Variants in TANC1 observed in about 807,000 individuals in gnomAD.
TANC1 encodes tetratricopeptide repeat, ankyrin repeat and coiled-coil containing 1.
TANC1 carries 77 observed loss-of-function variants against 149.7 expected under a neutral mutation model. The observed-to-expected ratio is 0.51, with a 90% CI of 0.43 to 0.62. The LOEUF is 0.62. Ranked by LOEUF, TANC1 falls within the 20% of genes least tolerant of loss-of-function variation. The pLI, the probability that TANC1 is intolerant of heterozygous loss-of-function variation, is 0.00. For synonymous variants in TANC1, 854 were observed against 925.0 expected (o/e 0.92, Z 1.39); for missense variants, 1,985 against 2,321.8 (o/e 0.85, Z 2.98).
chr2:159,055,993 C>T (rs1008397535), intron 2 of TANC1: 2 of 297,508 alleles, frequency 6.7e-6, no homozygotes, highest in Non-Finnish European at 1.3e-5. Context: ...GCCTCTAGCT[C>T]AGCATAAAAG....
At position 159,186,987 on chromosome 2, in the gene TANC1, T is replaced by C; in HGVS notation, c.2705T>C (p.Leu902Pro). The change falls in exon 16 of 27, where the codon CTG (leucine) becomes CCG (proline). Residue 902 changes from leucine to proline, a missense_variant. This residue lies in a region of TANC1 where 508 missense variants were observed against 714.2 expected (regional missense o/e 0.71). Transcript: ENST00000263635. ...AGCACCGAGGGGCTGTCCGCCGCCC[T>C]GGCCTCTCTCAGGAATCTCTATACT... is the stretch of plus-strand genomic sequence containing the variant. ...GYSTEGLSAA[L>P]ASLRNLYTPN... The C allele has an allele frequency of 6.2e-7, 1 of 1,614,212 alleles. No individual in the cohort carries two copies.
intron 5 of TANC1, among the ~76,000 whole-genome samples, chr2:159,142,200 G>T (rs1574933189): frequency 6.6e-6 from 1 of 152,330 alleles, no homozygotes; most frequent in Admixed American, 6.5e-5. Flanking sequence ...TAATTCAGAG[G>T]TTCTGACAGT....
At chr2:159,160,299 C>G (rs552156115) in intron 7 of TANC1, among the ~76,000 whole-genome samples, 71 of 152,078 alleles carry the variant, frequency 4.7e-4, no homozygotes, top group African/African-American at 1.4e-3. Flanking sequence ...TAAACATTAG[C>G]CAGTCTCTGG....
chr2:159,178,698 G>A lies in TANC1; in HGVS notation c.2045G>A (p.Gly682Asp). 1 of 1,614,128 alleles carries A rather than the reference G, an allele frequency of 6.2e-7. No individual in the cohort carries two copies. ...QDILSNISLN[G>D]KADATLIGKV... Reference sequence around the variant, plus strand: ...ATCCTCAGCAACATCTCCCTGAATGGCAAGGCCGATGCCACACTCATTGGA... The same window carrying A: ...ATCCTCAGCAACATCTCCCTGAATGACAAGGCCGATGCCACACTCATTGGA... Residue 682 changes from glycine to aspartate, a missense_variant, in exon 14 of 27, where the codon GGC (glycine) becomes GAC (aspartate). Coordinates refer to ENST00000263635, the MANE Select transcript of TANC1 (RefSeq NM_033394.3).
chr2:159,208,231 TTAATA>T (rs2058754940), intron 19 of TANC1, among the ~76,000 whole-genome samples: 1 of 152,310 alleles, frequency 6.6e-6, no homozygotes, highest in African/African-American at 2.4e-5. Context: ...ATTAATATTA[TTAATA>T]TAATATGTTA....
Position 159,229,889 on chromosome 2 carries a change from T to C in TANC1, c.4463T>C (p.Ile1488Thr). The change falls in exon 27 of 27, where the codon ATC becomes ACC. Residue 1488 changes from isoleucine to threonine, a missense_variant. Transcript: ENST00000263635. ...TCCTCATCTGTCCCTTCCTCATACA[T>C]CCGAAACCTTCAAGAAGGGTTACAG... ...QPSSSVPSSY[I>T]RNLQEGLQSK... 6.2e-7 allele frequency: 1 copy of C among 1,614,038 alleles called. No homozygotes were observed. The highest frequency in any genetic ancestry group is 8.5e-7 in the Non-Finnish European group (1 of 1,180,022).
chr2:159,015,652 C>G (rs1013664107), intron 2 of TANC1, among the ~76,000 whole-genome samples: 2 of 152,128 alleles, frequency 1.3e-5, no homozygotes, highest in Admixed American at 6.6e-5. Context: ...TTAATAGCAC[C>G]CAGGTAACCT....
At chr2:159,125,585 C>CCCTCCCTCCCTCCCTT (rs1231521085) in intron 4 of TANC1, among the ~76,000 whole-genome samples, 175 of 137,862 alleles carry the variant, frequency 1.3e-3, no homozygotes, top group African/African-American at 4.3e-3. Context: ...CTCCCTCCCT[C>CCCTCCCTCCCTCCCTT]CCTTCCTTCC....
intron 19 of TANC1, among the ~76,000 whole-genome samples, chr2:159,205,090 C>G (rs1559455304): frequency 6.6e-6 from 1 of 152,222 alleles, no homozygotes; most frequent in Non-Finnish European, 1.5e-5. Context: ...ACACCTGTTT[C>G]CAAATTGGGC....
chr2:159,223,726 A>G (rs1310044304), intron 22 of TANC1, among the ~76,000 whole-genome samples: 1 of 152,072 alleles, frequency 6.6e-6, no homozygotes, highest in African/African-American at 2.4e-5. Context: ...TACTCTCCCA[A>G]TTTCCTTCAC....
chr2:159,050,662 C>T (rs1363019953), intron 2 of TANC1, among the ~76,000 whole-genome samples: 1 of 152,160 alleles, frequency 6.6e-6, no homozygotes, highest in Non-Finnish European at 1.5e-5. Context: ...AATTATAGTT[C>T]CCACCTGGTG....
In TANC1 at chr2:159,219,832, T is replaced by G; in HGVS notation, c.3643T>G (p.Leu1215Val). The change falls in exon 22 of 27, where the codon TTG (leucine) becomes GTG (valine). Residue 1215 changes from leucine to valine, a missense_variant. Around this residue, in one of 3 missense-constraint regions of TANC1, gnomAD observed 920 missense variants for 994.7 expected, o/e 0.92. Transcript: ENST00000263635. ...GACAGACAAGAATGGCCGCACACCC[T>G]TGGACCTGGCTGCCTTCTATGGCGA... Reference protein sequence around the residue: ...DQTDKNGRTPLDLAAFYGDAE... With the variant: ...DQTDKNGRTPVDLAAFYGDAE... 1 of 1,613,610 alleles carries G rather than the reference T, an allele frequency of 6.2e-7. No homozygotes were observed. Among genetic ancestry groups the G allele is most frequent in the Non-Finnish European group, 8.5e-7 (1 of 1,180,020 alleles).
chr2:159,225,677 T>G lies in TANC1; in HGVS notation c.3812-11T>G. The G allele has an allele frequency of 3.7e-6, 6 of 1,612,548 alleles. No individual in the cohort carries two copies. The highest frequency in any genetic ancestry group is 5.1e-6 in the Non-Finnish European group (6 of 1,178,544). ...CTCTGAAGTGCCTCTGAATGCGTGTTTGTTTTGCAGGAAATGCTGCTTGGG... is the reference window on the plus strand; with the variant it reads ...CTCTGAAGTGCCTCTGAATGCGTGTGTGTTTTGCAGGAAATGCTGCTTGGG... On this transcript the variant is annotated splice_polypyrimidine_tract_variant and intron_variant, in intron 23 of 26. Coordinates refer to ENST00000263635, the MANE Select transcript of TANC1 (RefSeq NM_033394.3).
rs186560088 is a variant in TANC1 at position 159,182,716 on chromosome 2, A to G, written c.2511-3075A>G. Among the ~76,000 whole-genome samples, 11 of 152,312 alleles carry G rather than the reference A, an allele frequency of 7.2e-5. No individual in the cohort carries two copies. The East Asian group carries it at 1.7e-3, about 24-fold the overall frequency. ...GGCTTGTTCAGATTCTATATTTTTA[A>G]ACAAGGACACTTAGTAGGTGGTGGT... On this transcript the variant is annotated intron_variant, in intron 14 of 26. Transcript: ENST00000263635.
At chr2:159,044,922 G>A (rs902887980) in intron 2 of TANC1, among the ~76,000 whole-genome samples, 7 of 152,242 alleles carry the variant, frequency 4.6e-5, no homozygotes, top group Non-Finnish European at 1.0e-4. Context: ...TGCTATCCAT[G>A]AGGAATGCAG....
chr2:159,117,521 G>A (rs1288927297), intron 4 of TANC1, among the ~76,000 whole-genome samples: 5 of 151,568 alleles, frequency 3.3e-5, no homozygotes, highest in African/African-American at 4.9e-5. Flanking sequence ...TCAGCCTCCC[G>A]AGTAGCTGTG....
At chr2:159,115,719 G>T (rs957957472) in intron 4 of TANC1, among the ~76,000 whole-genome samples, 1 of 152,064 alleles carries the variant, frequency 6.6e-6, no homozygotes, top group Non-Finnish European at 1.5e-5. Context: ...CTCTAGCTTG[G>T]TTTTCTTGAT....
intron 7 of TANC1, among the ~76,000 whole-genome samples, chr2:159,162,181 A>T (rs1329415780): frequency 6.6e-6 from 1 of 152,214 alleles, no homozygotes; most frequent in Non-Finnish European, 1.5e-5. Flanking sequence ...ATCCTAAATA[A>T]CTGACCCTGA....
intron 8 of TANC1, among the ~76,000 whole-genome samples, chr2:159,167,784 A>C (rs2054754812): frequency 6.6e-6 from 1 of 152,144 alleles, no homozygotes; most frequent in Admixed American, 6.5e-5. Flanking sequence ...GAATGAAGGA[A>C]TGAGAGAGGA....
Sources: gnomAD v4.1 joint callset for allele counts (sites outside exome capture counted in the v4.1 genomes callset) on GRCh38, gnomAD v4.1.1 for gene constraint, gnomAD v4.1.1 regional missense constraint, MANE v1.5 for transcripts, NCBI Gene and HGNC (gene_info 2026-07-23, HGNC 2026-07-21) for gene names.